The following PAPPA variants were observed in gnomAD, a reference collection of about 807,000 sequenced individuals.
PAPPA encodes the protein pappalysin 1.
A neutral mutation model predicts 164.0 loss-of-function variants in PAPPA; 60 were observed. That is an observed-to-expected ratio of 0.37 (90% CI 0.30 to 0.45). PAPPA has a LOEUF of 0.45. Among genes scored for constraint, PAPPA ranks in the 20% least tolerant of loss-of-function variants. PAPPA has a pLI of 1.00. For synonymous variants in PAPPA, 875 were observed against 814.1 expected (o/e 1.07, Z -1.27); for missense variants, 1,782 against 2,087.3 (o/e 0.85, Z 2.85).
Position 116,250,062 on chromosome 9 carries a change from GCAAA to G in PAPPA, c.2732+14430_2732+14433del, listed in dbSNP as rs1008109562. Reference sequence around the variant, plus strand: ...GTGTGTGTGTGTGTGTTTGGAGCAGGCAAACAAAGACCTGTGAGACCACCTGTTT... The same window carrying G: ...GTGTGTGTGTGTGTGTTTGGAGCAGGCAAAGACCTGTGAGACCACCTGTTT... On this transcript the variant is annotated intron_variant, in intron 7 of 21. Transcript: ENST00000328252. Among the ~76,000 whole-genome samples, 9 of 149,726 alleles carry G rather than the reference GCAAA, an allele frequency of 6.0e-5. No individual in the cohort carries two copies. In the South Asian group the frequency reaches 1.1e-3, roughly 18 times the overall value.
At chr9:116,228,090 A>G (rs779511391) in intron 6 of PAPPA, among the ~76,000 whole-genome samples, 1 of 152,176 alleles carries the variant, frequency 6.6e-6, no homozygotes, top group Non-Finnish European at 1.5e-5. Flanking sequence ...TGCCACTATT[A>G]TGGGTTCCAC....
intron 13 of PAPPA, among the ~76,000 whole-genome samples, chr9:116,339,363 C>G (rs1425389951): frequency 6.6e-6 from 1 of 152,118 alleles, no homozygotes; most frequent in African/African-American, 2.4e-5. Flanking sequence ...CCTCGACACA[C>G]CCCACTCAGC....
chr9:116,215,762 C>A (rs1004344582), intron 4 of PAPPA, among the ~76,000 whole-genome samples: 1 of 151,978 alleles, frequency 6.6e-6, no homozygotes, highest in Non-Finnish European at 1.5e-5. Flanking sequence ...AAAAAACAAA[C>A]AAACAAAAAA....
chr9:116,358,030 T>C (rs987822010), intron 17 of PAPPA, among the ~76,000 whole-genome samples: 2 of 152,178 alleles, frequency 1.3e-5, no homozygotes, highest in Non-Finnish European at 2.9e-5. Flanking sequence ...AGCTCACATA[T>C]GTGCAGTGCC....
At chr9:116,182,204 TA>T (rs1415113987) in intron 1 of PAPPA, among the ~76,000 whole-genome samples, 3 of 152,196 alleles carry the variant, frequency 2.0e-5, no homozygotes, top group Non-Finnish European at 4.4e-5. Flanking sequence ...ATAATTAACG[TA>T]GAGTAAATGA....
At chr9:116,337,698 TCTC>T (rs1442378885) in intron 13 of PAPPA, among the ~76,000 whole-genome samples, 1 of 151,674 alleles carries the variant, frequency 6.6e-6, no homozygotes, top group African/African-American at 2.4e-5. Context: ...CCTCTCTCTC[TCTC>T]TCCCCCGCCC....
At chr9:116,324,028 C>T (rs1220237465) in intron 10 of PAPPA, among the ~76,000 whole-genome samples, 1 of 152,198 alleles carries the variant, frequency 6.6e-6, no homozygotes, top group Non-Finnish European at 1.5e-5. Context: ...GTTGAAGCAG[C>T]TTCTATTTCA....
intron 1 of PAPPA, among the ~76,000 whole-genome samples, chr9:116,162,267 G>C (rs569010690): frequency 5.3e-5 from 8 of 152,178 alleles, no homozygotes; most frequent in Non-Finnish European, 1.0e-4. Context: ...CCCTGTTTAT[G>C]AGAATTTCAT....
At chr9:116,305,900 T>C (rs1845639527) in intron 10 of PAPPA, among the ~76,000 whole-genome samples, 1 of 152,194 alleles carries the variant, frequency 6.6e-6, no homozygotes, top group Non-Finnish European at 1.5e-5. Flanking sequence ...GCAGACCTCA[T>C]GAGGTACTTC....
rs57871796 is a variant in PAPPA at position 116,314,060 on chromosome 9, C to CTTTTTTTTTTTTTTTTTTTTT, written c.3147+11120_3147+11140dup. ...ATTCAGTTCTGTCATTGCATCGAAT[C>CTTTTTTTTTTTTTTTTTTTTT]TTTTTTTTTTTTTTTTTTTTTTTTT... is the stretch of plus-strand genomic sequence containing the variant. On this transcript the variant is annotated intron_variant, in intron 10 of 21. Coordinates refer to ENST00000328252, the MANE Select transcript of PAPPA (RefSeq NM_002581.5). Among the ~76,000 whole-genome samples the CTTTTTTTTTTTTTTTTTTTTT allele has an allele frequency of 2.7e-4, 19 of 69,726 alleles. 1 individual carries two copies. The highest frequency in any genetic ancestry group is 9.2e-4 in the East Asian group (2 of 2,164). 45.7% of individuals were successfully genotyped at this position (69,726 alleles called of 152,430 possible).
Position 116,398,665 on chromosome 9 carries a change from TG to T in PAPPA, c.*2050del, listed in dbSNP as rs1269467159. ...GTGCCCACAAATACGGATGCAGTGC[TG>T]AGATAGTTTATGAGACTTGTACCAT... On this transcript the variant is annotated 3_prime_UTR_variant, in exon 22 of 22. Transcript: ENST00000328252. 1 of 557,894 alleles carries T rather than the reference TG, an allele frequency of 1.8e-6. No homozygotes were observed. Among genetic ancestry groups the T allele is most frequent in the Admixed American group, 2.3e-5 (1 of 42,700 alleles). 34.6% of individuals were successfully genotyped at this position (557,894 alleles called of 1,614,324 possible).
At chr9:116,391,432 C>A (rs997790377) in intron 21 of PAPPA, among the ~76,000 whole-genome samples, 3 of 152,206 alleles carry the variant, frequency 2.0e-5, no homozygotes, top group Non-Finnish European at 4.4e-5. Context: ...ATCAGCACAA[C>A]ATGACTGTTG....
chr9:116,300,547 A>G (rs185043871), intron 9 of PAPPA, among the ~76,000 whole-genome samples: 1 of 152,334 alleles, frequency 6.6e-6, no homozygotes, highest in East Asian at 1.9e-4. Flanking sequence ...TGCTGGGATT[A>G]CAGGCATGAG....
rs562450118 is a variant in PAPPA at position 116,240,051 on chromosome 9, A to G, written c.2732+4414A>G. On this transcript the variant is annotated intron_variant, in intron 7 of 21. Transcript: ENST00000328252. ...CACTGTGCTCCTTGGCCTATATGGA[A>G]TCTTCAGATTTCTCCAAGAAGTAAA... Among the ~76,000 whole-genome samples the G allele has an allele frequency of 2.6e-5, 4 of 152,314 alleles. No individual in the cohort carries two copies. In the East Asian group the frequency reaches 7.7e-4, roughly 29 times the overall value.
intron 20 of PAPPA, among the ~76,000 whole-genome samples, chr9:116,377,867 G>C (rs1375394712): frequency 6.6e-6 from 1 of 151,946 alleles, no homozygotes; most frequent in Admixed American, 6.5e-5. Flanking sequence ...TAGGGAATGG[G>C]TAACAGAGTT....
At chr9:116,290,173 G>T (rs1845418454) in intron 9 of PAPPA, among the ~76,000 whole-genome samples, 1 of 152,070 alleles carries the variant, frequency 6.6e-6, no homozygotes, top group South Asian at 2.1e-4. Flanking sequence ...TAAGCAAAAA[G>T]AATCAGATGC....
intron 1 of PAPPA, among the ~76,000 whole-genome samples, chr9:116,174,936 G>T (rs145769865): frequency 6.6e-6 from 1 of 152,086 alleles, no homozygotes; most frequent in African/African-American, 2.4e-5. Flanking sequence ...CCTCCAAATA[G>T]AAATTTTTTT....
intron 10 of PAPPA, among the ~76,000 whole-genome samples, chr9:116,324,381 C>T (rs1363430346): frequency 6.6e-6 from 1 of 152,182 alleles, no homozygotes; most frequent in African/African-American, 2.4e-5. Flanking sequence ...GTCCTTAAAA[C>T]AGTGCCCAGC....
intron 4 of PAPPA, among the ~76,000 whole-genome samples, chr9:116,218,971 T>C (rs1330938164): frequency 4.6e-5 from 7 of 152,176 alleles, no homozygotes; most frequent in Non-Finnish European, 8.8e-5. Context: ...GAGTGGGAGA[T>C]GTTACTACTC....
Sources: gnomAD v4.1 joint callset for allele counts (sites outside exome capture counted in the v4.1 genomes callset) on GRCh38, gnomAD v4.1.1 for gene constraint, MANE v1.5 for transcripts, NCBI Gene and HGNC (gene_info 2026-07-23, HGNC 2026-07-21) for gene names.